Variants in ADCY9 observed in about 807,000 individuals in gnomAD.
The protein encoded by ADCY9 is adenylate cyclase 9.
ADCY9 carries 50 observed loss-of-function variants against 101.5 expected under a neutral mutation model. The ratio of observed to expected loss-of-function variants is 0.49; its 90% CI spans 0.39 to 0.62. The LOEUF is 0.62. Ranked by LOEUF, ADCY9 falls within the 20% of genes least tolerant of loss-of-function variation. The pLI is 0.00. For synonymous variants in ADCY9, 905 were observed against 769.3 expected, an observed-to-expected ratio of 1.18 and a Z score of -2.92; for missense variants, 1,662 against 1,800.4, an observed-to-expected ratio of 0.92 and a Z score of 1.39.
chr16:4,060,796 T>C (rs1359507688), intron 2 of ADCY9, among the ~76,000 whole-genome samples: 1 of 152,050 alleles, frequency 6.6e-6, no homozygotes, highest in African/African-American at 2.4e-5. Flanking sequence ...ATACAGAGCT[T>C]AAAAAAATAA....
chr16:3,977,475 C>A lies in ADCY9; in HGVS notation c.2828+7G>T, dbSNP rs200478184. 3.2e-6 allele frequency: 5 copies of A among 1,554,920 alleles called. No homozygotes were observed. The African/African-American group carries it at 5.4e-5, about 17-fold the overall frequency. ...CCTGGTGCCCGCAAGCAGTGCTGGC[C>A]GCGTACCTGTCTGGGCACAGGGAGA... On this transcript the variant is annotated splice_region_variant and intron_variant, in intron 9 of 10. Transcript: ENST00000294016.
chr16:4,003,819 G>A (rs2056348746), intron 3 of ADCY9, among the ~76,000 whole-genome samples: 1 of 151,986 alleles, frequency 6.6e-6, no homozygotes, highest in African/African-American at 2.4e-5. Context: ...TCCCCTCCGC[G>A]ACGCTGACAG....
intron 2 of ADCY9, among the ~76,000 whole-genome samples, chr16:4,112,044 C>G (rs2530900): frequency 0.9 from 137,730 of 152,202 alleles, 62,494 homozygotes; most frequent in East Asian, 1. Context: ...TCATTGTCCT[C>G]TGGGCCAACA....
chr16:3,993,979 G>A (rs2601792), intron 3 of ADCY9, among the ~76,000 whole-genome samples: 74,504 of 151,928 alleles, frequency 0.49, 19,431 homozygotes, highest in Non-Finnish European at 0.58. Context: ...AGGCGGGACC[G>A]GGGGCAGGAA....
chr16:4,075,175 C>CTATA (rs34498621), intron 2 of ADCY9, among the ~76,000 whole-genome samples: 41 of 151,448 alleles, frequency 2.7e-4, no homozygotes, highest in Admixed American at 8.5e-4. Flanking sequence ...AGACCTGTTA[C>CTATA]TATATATATA....
downstream of ADCY9, among the ~76,000 whole-genome samples, chr16:3,961,275 C>A (rs2055936572): frequency 6.6e-6 from 1 of 151,826 alleles, no homozygotes; most frequent in Non-Finnish European, 1.5e-5. Flanking sequence ...TGGCAAGACC[C>A]CGTCTCTGCA....
At chr16:4,029,690 A>G (rs558292176) in intron 2 of ADCY9, among the ~76,000 whole-genome samples, 1 of 152,312 alleles carries the variant, frequency 6.6e-6, no homozygotes, top group African/African-American at 2.4e-5. Context: ...GGTTGCAATG[A>G]GCCGAGATTG....
At chr16:3,977,826 C>T (rs2056106081) in intron 8 of ADCY9, among the ~76,000 whole-genome samples, 196 bp from the exon 9 acceptor site, 2 of 152,168 alleles carry the variant, frequency 1.3e-5, no homozygotes, top group South Asian at 4.1e-4. Context: ...AAGTGATTCT[C>T]CTACCTCAGC....
chr16:4,115,600 C>G lies in ADCY9; in HGVS notation c.-44+90G>C. 1 of 870,352 alleles carries G rather than the reference C, an allele frequency of 1.1e-6. No homozygotes were observed. Among genetic ancestry groups the G allele is most frequent in the Non-Finnish European group, 1.7e-6 (1 of 586,248 alleles). The allele number at this position is 870,352 out of a possible 1,614,324, so 53.9% of individuals were successfully genotyped here. ...TCCAGCACGCGACCTGGACAGGCAC[C>G]ATCTGTTCCTGTGGTTCCCGGCTCA... is the stretch of plus-strand genomic sequence containing the variant. On this transcript the variant is annotated intron_variant, in intron 1 of 10. Transcript: ENST00000294016. This position sits in a 1 kb window ranked among gnomAD's most constrained non-coding sequence, Gnocchi z 6.2.
At chr16:4,070,838 C>G (rs1289442818) in intron 2 of ADCY9, among the ~76,000 whole-genome samples, 1 of 151,988 alleles carries the variant, frequency 6.6e-6, no homozygotes, top group Non-Finnish European at 1.5e-5. Flanking sequence ...CCTAGCTACT[C>G]AGGAGTCTGA....
intron 2 of ADCY9, among the ~76,000 whole-genome samples, chr16:4,111,446 C>T (rs2057113406): frequency 6.6e-6 from 1 of 152,150 alleles, no homozygotes; most frequent in African/African-American, 2.4e-5. Context: ...CATCTGCCAC[C>T]AGCCCAAAGG....
chr16:4,001,094 A>G (rs1301982018), intron 3 of ADCY9, among the ~76,000 whole-genome samples: 1 of 152,040 alleles, frequency 6.6e-6, no homozygotes, highest in African/African-American at 2.4e-5. Flanking sequence ...TCCTCCGTAC[A>G]TACTCACCGT....
At chr16:3,984,667 C>T (rs1275511519) in intron 6 of ADCY9, among the ~76,000 whole-genome samples, 2 of 152,160 alleles carry the variant, frequency 1.3e-5, no homozygotes, top group East Asian at 3.9e-4. Flanking sequence ...GGTGTAGGAT[C>T]CAAAGGCAGA....
intron 2 of ADCY9, among the ~76,000 whole-genome samples, chr16:4,010,564 A>G (rs1344536775): frequency 6.6e-6 from 1 of 152,220 alleles, no homozygotes; most frequent in East Asian, 1.9e-4. Flanking sequence ...TGATGGGTGC[A>G]GGGACGATGT....
Position 4,114,075 on chromosome 16 carries a change from G to C in ADCY9, c.1368C>G (p.Ala456=). ...TCTCGATGCAGCAGTAGGCATGGTC[G>C]GCCCGGGGCTCGGGACAGCCCGCCA... ...YCVAGCPEPR[A]DHAYCCIEMG... The change falls in exon 2 of 11, where the codon GCC becomes GCG. Residue 456 remains alanine (A), a synonymous_variant. Transcript: ENST00000294016. The surrounding 1 kb of genome is among the most constrained non-coding windows in gnomAD (Gnocchi z 4.3). 1.2e-6 allele frequency: 2 copies of C among 1,613,802 alleles called. No individual in the cohort carries two copies. The highest frequency in any genetic ancestry group is 2.2e-5 in the East Asian group (1 of 44,886).
At chr16:3,978,760 C>T (rs985314015) in intron 8 of ADCY9, among the ~76,000 whole-genome samples, 1 of 152,194 alleles carries the variant, frequency 6.6e-6, no homozygotes, top group Non-Finnish European at 1.5e-5. Context: ...CGCTCCATCA[C>T]CCAGGCTGCA....
chr16:3,983,779 G>C, intron 6 of ADCY9: 3 of 278,110 alleles, frequency 1.1e-5, no homozygotes, highest in Non-Finnish European at 1.4e-5. Flanking sequence ...TTTAAAATTA[G>C]CCAGGCATGG....
chr16:3,977,332 T>C (rs2056100366), intron 9 of ADCY9, 150 bp downstream of exon 9: 9 of 986,254 alleles, frequency 9.1e-6, no homozygotes, highest in Non-Finnish European at 1.2e-5. Flanking sequence ...AGCTCTTTGG[T>C]ATGATGTGTG....
intron 3 of ADCY9, among the ~76,000 whole-genome samples, chr16:3,997,911 T>G (rs1406845044): frequency 4.6e-5 from 7 of 151,996 alleles, no homozygotes; most frequent in Non-Finnish European, 8.8e-5. Context: ...CTGGTCAACA[T>G]GGCAAAACCC....
Sources: gnomAD v4.1 joint callset for allele counts (sites outside exome capture counted in the v4.1 genomes callset) on GRCh38, gnomAD v4.1.1 for gene constraint, Gnocchi (gnomAD v3.1) non-coding constraint, MANE v1.5 for transcripts, NCBI Gene and HGNC (gene_info 2026-07-23, HGNC 2026-07-21) for gene names.